The following TSPAN14 variants were observed in gnomAD, a reference collection of about 807,000 sequenced individuals.
TSPAN14 encodes tetraspanin 14.
A neutral mutation model predicts 36.6 loss-of-function variants in TSPAN14; 16 were observed. The observed-to-expected ratio is 0.44, with a 90% CI of 0.30 to 0.66. The LOEUF (loss-of-function observed/expected upper bound fraction) is 0.66, where lower values mean the gene tolerates loss of function less well. Ranked by LOEUF, TSPAN14 falls within the 30% of genes least tolerant of loss-of-function variation. The pLI, the probability that TSPAN14 is intolerant of heterozygous loss-of-function variation, is 0.12. For synonymous variants in TSPAN14, 139 were observed against 143.8 expected (o/e 0.97, Z 0.24); for missense variants, 231 against 355.1 (o/e 0.65, Z 2.81).
intron 1 of TSPAN14, among the ~76,000 whole-genome samples, chr10:80,463,459 C>G (rs1352933267): frequency 1.3e-5 from 2 of 152,208 alleles, no homozygotes; most frequent in African/African-American, 4.8e-5. Context: ...TGACTGTATT[C>G]CTCTCTTGTT....
At chr10:80,488,386 T>C (rs1053305207) in intron 1 of TSPAN14, among the ~76,000 whole-genome samples, 1 of 152,148 alleles carries the variant, frequency 6.6e-6, no homozygotes, top group African/African-American at 2.4e-5. Flanking sequence ...TGAGGTTGCT[T>C]TGAGGGTTAG....
intron 3 of TSPAN14, among the ~76,000 whole-genome samples, chr10:80,506,309 G>C (rs774922693): frequency 1.3e-5 from 2 of 152,184 alleles, no homozygotes; most frequent in African/African-American, 2.4e-5. Context: ...ACAATGTTCT[G>C]ATTAGTTGAG....
At chr10:80,485,645 G>C (rs556256890) in intron 1 of TSPAN14, 2 of 985,412 alleles carry the variant, frequency 2.0e-6, no homozygotes, top group Admixed American at 1.2e-4. Context: ...GCCCCACAGA[G>C]GGTCAGGACC....
chr10:80,485,674 C>T (rs2132004737), intron 1 of TSPAN14: 1 of 985,452 alleles, frequency 1.0e-6, no homozygotes, highest in South Asian at 4.7e-5. Flanking sequence ...AACCCGCTGG[C>T]CAACACAGCA....
At chr10:80,518,087 C>T in exon 9 of TSPAN14, 1 of 1,107,092 alleles carries the variant, frequency 9.0e-7, no homozygotes, top group Non-Finnish European at 1.3e-6. Context: ...AGCCAGTGCC[C>T]CATCTTAAGC....
chr10:80,460,616 G>T (rs904996735), intron 1 of TSPAN14, among the ~76,000 whole-genome samples: 3 of 152,142 alleles, frequency 2.0e-5, no homozygotes, highest in African/African-American at 4.8e-5. Context: ...TTCTCTCCTT[G>T]TAGGTGTCCC....
At position 80,512,017 on chromosome 10, in the gene TSPAN14, G is replaced by A. The variant is rs1840681624; in HGVS notation, c.451-127G>A. The A allele has an allele frequency of 2.8e-6, 4 of 1,441,376 alleles. No homozygotes were observed. The South Asian group carries it at 5.2e-5, about 19-fold the overall frequency. 89.3% of individuals were successfully genotyped at this position (1,441,376 alleles called of 1,614,324 possible). ...CTCTGCACATGGGAGGTAGGGGGCG[G>A]GCCTTGATTTCTCTGCATGGTAGAT... On this transcript the variant is annotated intron_variant, in intron 5 of 8. Coordinates refer to ENST00000429989, the Ensembl canonical transcript of TSPAN14.
intron 1 of TSPAN14, among the ~76,000 whole-genome samples, chr10:80,485,927 G>A (rs565689939): frequency 7.2e-5 from 11 of 152,300 alleles, no homozygotes; most frequent in South Asian, 2.1e-4. Context: ...TAATACTGGC[G>A]GTGCATGTGC....
In TSPAN14 at chr10:80,510,571, T is replaced by G. The variant is rs554555860; in HGVS notation, c.450+1100T>G. ...CATAGTTTTCTGCATTGACTTCTTTTTCTTTTAAAAATAAAACTTCTGGCC... is the reference window on the plus strand; with the variant it reads ...CATAGTTTTCTGCATTGACTTCTTTGTCTTTTAAAAATAAAACTTCTGGCC... On this transcript the variant is annotated intron_variant, in intron 5 of 8. Transcript: ENST00000429989. Among the ~76,000 whole-genome samples the G allele has an allele frequency of 8.1e-4, 124 of 152,310 alleles. 1 individual carries two copies. Among genetic ancestry groups the G allele is most frequent in the Non-Finnish European group, 1.5e-5 (1 of 68,034 alleles).
At chr10:80,475,527 A>T (rs1846816651) in intron 1 of TSPAN14, among the ~76,000 whole-genome samples, 1 of 152,132 alleles carries the variant, frequency 6.6e-6, no homozygotes, top group Admixed American at 6.5e-5. Context: ...AGAGAAAAAA[A>T]GTTTTAAGTT....
chr10:80,521,255 G>C (rs1480606224), exon 9 of TSPAN14: 1 of 167,688 alleles, frequency 6.0e-6, no homozygotes, highest in Non-Finnish European at 1.3e-5. Flanking sequence ...GAGGAACATA[G>C]ACGACTGCTG....
intron 8 of TSPAN14, among the ~76,000 whole-genome samples, chr10:80,517,199 C>T (rs534448306): frequency 3.8e-4 from 58 of 152,254 alleles, no homozygotes; most frequent in African/African-American, 1.3e-3. Flanking sequence ...ATGCCTTCCT[C>T]CTTCAAGGAA....
chr10:80,502,857 A>C (rs1229906298), intron 2 of TSPAN14, among the ~76,000 whole-genome samples: 2 of 152,106 alleles, frequency 1.3e-5, no homozygotes, highest in African/African-American at 4.8e-5. Context: ...GAGAGGGCTC[A>C]GGGCAGGGTG....
chr10:80,463,327 G>A (rs1846075777), intron 1 of TSPAN14, among the ~76,000 whole-genome samples: 2 of 152,144 alleles, frequency 1.3e-5, no homozygotes, highest in Admixed American at 6.5e-5. Context: ...TTACAAAAAT[G>A]TATACATGAT....
exon 9 of TSPAN14, chr10:80,520,487 C>G: frequency 2.2e-6 from 1 of 457,232 alleles, no homozygotes; most frequent in Non-Finnish European, 4.5e-6. Flanking sequence ...CCCGCCTTCC[C>G]TGGTTGGAGG....
At chr10:80,468,294 C>T (rs767280669) in intron 1 of TSPAN14, among the ~76,000 whole-genome samples, 4 of 152,028 alleles carry the variant, frequency 2.6e-5, no homozygotes, top group African/African-American at 4.8e-5. Context: ...TCTGCCGGCA[C>T]GAACACAGGA....
chr10:80,465,922 T>C (rs1212258539), intron 1 of TSPAN14, among the ~76,000 whole-genome samples: 1 of 152,192 alleles, frequency 6.6e-6, no homozygotes, highest in Non-Finnish European at 1.5e-5. Flanking sequence ...ATGAGCATTC[T>C]CTTTTGGGGT....
Position 80,509,150 on chromosome 10 carries a change from A to G in TSPAN14, c.280-151A>G, listed in dbSNP as rs1384962730. The G allele has an allele frequency of 4.4e-6, 3 of 676,628 alleles. No individual in the cohort carries two copies. The highest frequency in any genetic ancestry group is 7.5e-6 in the Non-Finnish European group (3 of 400,930). 41.9% of individuals were successfully genotyped at this position (676,628 alleles called of 1,614,324 possible). On this transcript the variant is annotated intron_variant, in intron 4 of 8. Coordinates refer to ENST00000429989, the Ensembl canonical transcript of TSPAN14. This position sits in a 1 kb window ranked among gnomAD's most constrained non-coding sequence, Gnocchi z 4.7. ...TGTGCAGAGTCACCCAGCTAACTCT[A>G]AGTGTGGGGTTCTGGGGCCCCGATG...
intron 1 of TSPAN14, among the ~76,000 whole-genome samples, chr10:80,458,008 A>G (rs1845807046): frequency 6.6e-6 from 1 of 152,170 alleles, no homozygotes; most frequent in African/African-American, 2.4e-5. Flanking sequence ...GTGGCCTTTA[A>G]GATGCCTATG....
Sources: gnomAD v4.1 joint callset for allele counts (sites outside exome capture counted in the v4.1 genomes callset) on GRCh38, gnomAD v4.1.1 for gene constraint, Gnocchi (gnomAD v3.1) non-coding constraint, MANE v1.5 for transcripts, NCBI Gene and HGNC (gene_info 2026-07-23, HGNC 2026-07-21) for gene names.